Variants in SORCS3 observed in about 807,000 individuals in gnomAD.
SORCS3 encodes the protein sortilin related VPS10 domain containing receptor 3, also known as VPS10 domain-containing receptor SorCS3.
A neutral mutation model predicts 146.3 loss-of-function variants in SORCS3; 57 were observed. That is an observed-to-expected ratio of 0.39 (90% CI 0.31 to 0.49). SORCS3 has a LOEUF of 0.49. Among genes scored for constraint, SORCS3 ranks in the 20% least tolerant of loss-of-function variants. The pLI is 0.92. For synonymous variants in SORCS3, 653 were observed against 618.5 expected, an observed-to-expected ratio of 1.06 and a Z score of -0.83; for missense variants, 1,341 against 1,575.5, an observed-to-expected ratio of 0.85 and a Z score of 2.52.
intron 1 of SORCS3, among the ~76,000 whole-genome samples, chr10:104,711,147 T>C (rs1327749974): frequency 2.0e-5 from 3 of 152,256 alleles, no homozygotes; most frequent in Non-Finnish European, 2.9e-5. Context: ...ATATACCAGG[T>C]ACTGTTCTAA....
intron 1 of SORCS3, among the ~76,000 whole-genome samples, chr10:104,671,590 A>C (rs1315169377): frequency 1.3e-5 from 2 of 151,484 alleles, no homozygotes; most frequent in Non-Finnish European, 2.9e-5. Flanking sequence ...TTTCTGCCTC[A>C]GGCTCTCAAA....
At chr10:104,691,545 C>G (rs2016112166) in intron 1 of SORCS3, among the ~76,000 whole-genome samples, 1 of 152,154 alleles carries the variant, frequency 6.6e-6, no homozygotes, top group Non-Finnish European at 1.5e-5. Flanking sequence ...GACCCTGGCT[C>G]TGGGGACGAC....
Position 104,977,388 on chromosome 10 carries a change from C to T in SORCS3, c.849C>T (p.Asp283=), listed in dbSNP as rs370294087. The T allele has an allele frequency of 1.2e-4, 190 of 1,613,694 alleles. No homozygotes were observed. The highest frequency in any genetic ancestry group is 2.7e-4 in the South Asian group (25 of 91,072). ...EMESSILISS[D]EGATYQKYRL... ...AGAGCAGCATATTGATCAGCTCAGA[C>T]GAAGGGGCGACCTATCAGAAGTATC... The change falls in exon 4 of 27, where the codon GAC becomes GAT. Residue 283 remains aspartate, a synonymous_variant. Coordinates refer to ENST00000369701, the MANE Select transcript of SORCS3 (RefSeq NM_014978.3).
chr10:104,764,583 C>T (rs1437013579), intron 1 of SORCS3, among the ~76,000 whole-genome samples: 1 of 152,160 alleles, frequency 6.6e-6, no homozygotes, highest in Non-Finnish European at 1.5e-5. Context: ...GTTGTAGGGT[C>T]AAGTGATAGT....
chr10:104,817,788 G>A (rs1214062135), intron 1 of SORCS3, among the ~76,000 whole-genome samples: 3 of 149,016 alleles, frequency 2.0e-5, no homozygotes, highest in African/African-American at 5.0e-5. Context: ...ATCAGTCAGG[G>A]GGGATCAGTG....
At chr10:104,883,344 T>C (rs72815677) in intron 2 of SORCS3, among the ~76,000 whole-genome samples, 1,909 of 152,320 alleles carry the variant, frequency 0.013, 13 homozygotes, top group Non-Finnish European at 0.021. Flanking sequence ...AGACACATGA[T>C]TGATCTGGCT....
At chr10:105,201,830 TTG>T (rs1468348509) in intron 16 of SORCS3, among the ~76,000 whole-genome samples, 1 of 152,218 alleles carries the variant, frequency 6.6e-6, no homozygotes. Context: ...TCATCTCCTC[TTG>T]ATTCACTATC....
chr10:105,214,382 A>G, intron 17 of SORCS3, 60 bp from the exon 18 acceptor site: 2 of 1,588,216 alleles, frequency 1.3e-6, no homozygotes, highest in South Asian at 1.1e-5. Flanking sequence ...ACACACACAC[A>G]TACAACAGCA....
chr10:104,916,584 C>T (rs567415616), intron 3 of SORCS3, among the ~76,000 whole-genome samples: 1 of 152,232 alleles, frequency 6.6e-6, no homozygotes, highest in South Asian at 2.1e-4. Flanking sequence ...AGGAGGAGGC[C>T]TGGATTCTGT....
chr10:104,846,297 T>G (rs2018203519), intron 2 of SORCS3, among the ~76,000 whole-genome samples: 1 of 152,172 alleles, frequency 6.6e-6, no homozygotes, highest in East Asian at 1.9e-4. Context: ...TATCTCCCGT[T>G]CTCTTTTCCT....
chr10:105,211,505 A>G (rs1182796052), intron 17 of SORCS3, among the ~76,000 whole-genome samples: 1 of 152,196 alleles, frequency 6.6e-6, no homozygotes, highest in Non-Finnish European at 1.5e-5. Context: ...TGTTTTGGTT[A>G]ATCCTTCTCT....
At chr10:104,983,075 C>T (rs1157996020) in intron 4 of SORCS3, among the ~76,000 whole-genome samples, 4 of 151,954 alleles carry the variant, frequency 2.6e-5, no homozygotes, top group Non-Finnish European at 5.9e-5. Context: ...TATTGGTTCA[C>T]TGCAACCTCC....
At chr10:104,801,830 C>T (rs1240719797) in intron 1 of SORCS3, among the ~76,000 whole-genome samples, 1 of 152,182 alleles carries the variant, frequency 6.6e-6, no homozygotes, top group East Asian at 1.9e-4. Context: ...CAAGGGCAAG[C>T]TTCAGATCTG....
chr10:104,943,464 A>G (rs941189853), intron 3 of SORCS3, among the ~76,000 whole-genome samples: 1 of 152,224 alleles, frequency 6.6e-6, no homozygotes, highest in Non-Finnish European at 1.5e-5. Flanking sequence ...GCATCAAGTA[A>G]TATGTGATAA....
chr10:104,916,181 G>A lies in SORCS3; in HGVS notation c.795+249G>A, dbSNP rs6584636. 8.6e-3 allele frequency among the ~76,000 whole-genome samples: 1,314 copies of A among 152,260 alleles called. 18 individuals are homozygous for A. The highest frequency in any genetic ancestry group is 0.03 in the African/African-American group (1,244 of 41,550). On this transcript the variant is annotated intron_variant, in intron 3 of 26. Transcript: ENST00000369701. ...GTACCTATGTCTTATCTCAGTTATC[G>A]TTACAATGAATCTATGGGATAGAAA...
intron 20 of SORCS3, among the ~76,000 whole-genome samples, chr10:105,227,511 T>C (rs1382809213): frequency 6.6e-6 from 1 of 152,184 alleles, no homozygotes; most frequent in Non-Finnish European, 1.5e-5. Context: ...GAGAAGAATG[T>C]ATATTCTCTA....
At chr10:104,792,662 T>G (rs1490814021) in intron 1 of SORCS3, among the ~76,000 whole-genome samples, 2 of 152,230 alleles carry the variant, frequency 1.3e-5, no homozygotes, top group African/African-American at 4.8e-5. Flanking sequence ...CTAAAATTCT[T>G]CTACTTTACT....
chr10:104,869,184 T>C (rs1420826449), intron 2 of SORCS3, among the ~76,000 whole-genome samples: 1 of 151,906 alleles, frequency 6.6e-6, no homozygotes, highest in Admixed American at 6.6e-5. Context: ...TATACATATA[T>C]TACATATATT....
At chr10:104,819,211 G>A (rs1422034145) in intron 1 of SORCS3, among the ~76,000 whole-genome samples, 1 of 152,160 alleles carries the variant, frequency 6.6e-6, no homozygotes, top group African/African-American at 2.4e-5. Flanking sequence ...ATAAAATGCA[G>A]ATTTCCAGGC....
Sources: gnomAD v4.1 joint callset for allele counts (sites outside exome capture counted in the v4.1 genomes callset) on GRCh38, gnomAD v4.1.1 for gene constraint, MANE v1.5 for transcripts, NCBI Gene and HGNC (gene_info 2026-07-23, HGNC 2026-07-21) for gene names.